The following FGFR2 variants were observed in gnomAD, a reference collection of about 807,000 sequenced individuals.
FGFR2 encodes the protein fibroblast growth factor receptor 2, also known as BEK fibroblast growth factor receptor.
FGFR2 carries 19 observed loss-of-function variants against 95.9 expected under a neutral mutation model. The observed-to-expected ratio is 0.20, with a 90% confidence interval of 0.14 to 0.29. The LOEUF (loss-of-function observed/expected upper bound fraction) is 0.29. Among genes scored for constraint, FGFR2 ranks in the 10% least tolerant of loss-of-function variants. The pLI, the probability that FGFR2 is intolerant of heterozygous loss-of-function variation, is 1.00. For synonymous variants in FGFR2, 392 were observed against 393.3 expected, an observed-to-expected ratio of 1.00 and a Z score of 0.04; for missense variants, 707 against 1,056.9, an observed-to-expected ratio of 0.67 and a Z score of 4.59.
chr10:121,496,899 G>A (rs1288127815), intron 12 of FGFR2, among the ~76,000 whole-genome samples, 177 bp from the exon 13 acceptor site: 2 of 151,064 alleles, frequency 1.3e-5, no homozygotes, highest in Admixed American at 1.3e-4. Context: ...CAGAGGCCGA[G>A]GCAGGTGGAT....
At chr10:121,596,274 C>T (rs1317425288) in intron 1 of FGFR2, among the ~76,000 whole-genome samples, 4 of 152,206 alleles carry the variant, frequency 2.6e-5, no homozygotes, top group South Asian at 4.1e-4. Context: ...CACAAGCCTG[C>T]CCCCAAAGAC....
intron 2 of FGFR2, among the ~76,000 whole-genome samples, chr10:121,591,921 T>C (rs993566540): frequency 9.9e-5 from 15 of 152,194 alleles, no homozygotes; most frequent in Admixed American, 4.6e-4. Context: ...TTCCACGATT[T>C]CTTCCCTCTG....
In FGFR2 at chr10:121,483,808, G is replaced by A. The variant is rs1432230132; in HGVS notation, c.2196-5C>T. On this transcript the variant is annotated splice_region_variant and splice_polypyrimidine_tract_variant and intron_variant, in intron 16 of 17. Coordinates refer to ENST00000358487, the MANE Select transcript of FGFR2 (RefSeq NM_000141.5). Reference sequence around the variant, plus strand: ...CAGTCCCTCATCATCATGTACCTGGGAAAAATGGATTTCCTTGAATTAATT... The same window carrying A: ...CAGTCCCTCATCATCATGTACCTGGAAAAAATGGATTTCCTTGAATTAATT... The A allele has an allele frequency of 1.9e-6, 3 of 1,608,650 alleles. No individual in the cohort carries two copies. The East Asian group carries it at 6.7e-5, about 36-fold the overall frequency.
intron 2 of FGFR2, among the ~76,000 whole-genome samples, chr10:121,581,994 G>A (rs982900531): frequency 7.3e-5 from 11 of 150,994 alleles, no homozygotes; most frequent in Admixed American, 4.0e-4. Context: ...ATGCAATGGC[G>A]TGATCTCAGC....
At chr10:121,563,513 T>G (rs1857258320) in intron 4 of FGFR2, among the ~76,000 whole-genome samples, 1 of 152,194 alleles carries the variant, frequency 6.6e-6, no homozygotes, top group South Asian at 2.1e-4. Flanking sequence ...CAATACCCTA[T>G]GTACAAACAC....
Position 121,538,587 on chromosome 10 carries a change from C to T in FGFR2, c.748+5G>A. ...CAGCCGCCACACGAGGAGAGGCAAA[C>T]TCACCCACAACATCCAGGTGGTACG... On this transcript the variant is annotated splice_donor_5th_base_variant and intron_variant, in intron 6 of 17. Transcript: ENST00000358487. The T allele has an allele frequency of 6.2e-7, 1 of 1,614,158 alleles. No individual in the cohort carries two copies. The highest frequency in any genetic ancestry group is 8.5e-7 in the Non-Finnish European group (1 of 1,180,026).
At chr10:121,507,412 A>T (rs539982317) in intron 9 of FGFR2, among the ~76,000 whole-genome samples, 36 of 152,256 alleles carry the variant, frequency 2.4e-4, no homozygotes, top group African/African-American at 8.4e-4. Flanking sequence ...ACATGGTGAA[A>T]CCCTGTCTCT....
chr10:121,500,216 CGTA>C (rs1847419774), intron 11 of FGFR2, among the ~76,000 whole-genome samples: 1 of 152,190 alleles, frequency 6.6e-6, no homozygotes, highest in African/African-American at 2.4e-5. Context: ...GGAAGGTTAA[CGTA>C]GAAGTGTTCA....
At chr10:121,540,948 A>G (rs926295770) in intron 5 of FGFR2, among the ~76,000 whole-genome samples, 34 of 152,112 alleles carry the variant, frequency 2.2e-4, no homozygotes, top group Admixed American at 5.9e-4. Context: ...CGGCTGACAC[A>G]TTAAATCTTG....
chr10:121,480,047 T>C (rs1476196139), intron 17 of FGFR2, 26 bp from the exon 18 acceptor site: 2 of 1,601,554 alleles, frequency 1.2e-6, no homozygotes, highest in Non-Finnish European at 1.7e-6. Context: ...AGAGACGTTT[T>C]ATTTCATCTT....
At chr10:121,560,915 C>T (rs1156721819) in intron 4 of FGFR2, among the ~76,000 whole-genome samples, 3 of 152,104 alleles carry the variant, frequency 2.0e-5, no homozygotes, top group Non-Finnish European at 4.4e-5. Context: ...ATCTGCATTT[C>T]GAGGGAGTTC....
chr10:121,482,258 A>G (rs1844854722), intron 17 of FGFR2: 1 of 1,373,254 alleles, frequency 7.3e-7, no homozygotes, highest in South Asian at 1.2e-5. Flanking sequence ...CAATTTTGGC[A>G]GAAGAAGAAA....
chr10:121,512,301 ATC>A (rs1849153115), intron 9 of FGFR2, among the ~76,000 whole-genome samples: 1 of 152,098 alleles, frequency 6.6e-6, no homozygotes, highest in Admixed American at 6.6e-5. Flanking sequence ...CCCGATAAGC[ATC>A]TCTTTCTCTA....
intron 2 of FGFR2, among the ~76,000 whole-genome samples, chr10:121,577,420 G>GCAAGGCTT (rs541829532): frequency 2.5e-3 from 383 of 152,020 alleles, no homozygotes; most frequent in Admixed American, 6.0e-3. Flanking sequence ...AGGCTGCCTA[G>GCAAGGCTT]CCAGGTCTTC....
chr10:121,490,716 C>T (rs929772913), intron 13 of FGFR2, among the ~76,000 whole-genome samples: 6 of 152,122 alleles, frequency 3.9e-5, no homozygotes, highest in Admixed American at 6.5e-5. Flanking sequence ...GAAATGGGGG[C>T]GATCTTAGGC....
chr10:121,490,151 CTTCT>C (rs1360640203), intron 13 of FGFR2, among the ~76,000 whole-genome samples: 11 of 134,750 alleles, frequency 8.2e-5, no homozygotes, highest in African/African-American at 2.2e-4. Flanking sequence ...ACGACTTTTC[CTTCT>C]TTTTTTTTTT....
chr10:121,589,985 C>T (rs1031460900), intron 2 of FGFR2, among the ~76,000 whole-genome samples: 1 of 152,160 alleles, frequency 6.6e-6, no homozygotes, highest in Non-Finnish European at 1.5e-5. Flanking sequence ...ATGGCATTTA[C>T]AATACTTCTA....
intron 13 of FGFR2, among the ~76,000 whole-genome samples, chr10:121,491,072 T>C (rs1395075744): frequency 6.6e-6 from 1 of 152,192 alleles, no homozygotes; most frequent in African/African-American, 2.4e-5. Flanking sequence ...GCTCTGTGTG[T>C]CTGGCAAGCT....
chr10:121,527,296 G>C (rs1181147203), intron 6 of FGFR2, among the ~76,000 whole-genome samples: 2 of 152,162 alleles, frequency 1.3e-5, no homozygotes, highest in African/African-American at 2.4e-5. Context: ...CGAATTACAG[G>C]AGTAGGGCTG....
Sources: allele counts gnomAD v4.1 joint callset (sites outside exome capture counted in the v4.1 genomes callset), GRCh38; gene constraint gnomAD v4.1.1; transcripts MANE v1.5; gene names NCBI Gene and HGNC (gene_info 2026-07-23, HGNC 2026-07-21).